The following PRKN variants were observed in gnomAD, a reference collection of about 807,000 sequenced individuals.
The protein encoded by PRKN is parkin RBR E3 ubiquitin protein ligase.
A neutral mutation model predicts 59.5 loss-of-function variants in PRKN; 56 were observed. The ratio of observed to expected loss-of-function variants is 0.94; its 90% CI spans 0.76 to 1.18. The LOEUF is 1.18. Ranked by LOEUF, PRKN falls within the 50% of genes most tolerant of loss-of-function variation. The pLI, the probability that PRKN is intolerant of heterozygous loss-of-function variation, is 0.00. For missense variants in PRKN, 657 were observed against 596.4 expected (o/e 1.10, Z -1.06); for synonymous variants, 250 against 222.1 (o/e 1.13, Z -1.12).
At chr6:161,932,679 TCTG>T (rs778046733) in intron 6 of PRKN, among the ~76,000 whole-genome samples, 1 of 152,264 alleles carries the variant, frequency 6.6e-6, no homozygotes, top group Non-Finnish European at 1.5e-5. Context: ...GTCTCTGACT[TCTG>T]CTAGTCAGCT....
rs1384493252 is a variant in PRKN at position 162,326,903 on chromosome 6, T to A, written c.172-64138A>T. Reference sequence around the variant, plus strand: ...AGAGGAGTTATGGTTTAAAATCATGTGACTACACAATTCCTACATTTTTTT... The same window carrying A: ...AGAGGAGTTATGGTTTAAAATCATGAGACTACACAATTCCTACATTTTTTT... On this transcript the variant is annotated intron_variant, in intron 2 of 11. Coordinates refer to ENST00000366898, the MANE Select transcript of PRKN (RefSeq NM_004562.3). 3.3e-5 allele frequency among the ~76,000 whole-genome samples: 5 copies of A among 152,202 alleles called. No homozygotes were observed. The East Asian group carries it at 9.6e-4, about 29-fold the overall frequency.
chr6:161,688,253 G>T (rs955928465), intron 7 of PRKN, among the ~76,000 whole-genome samples: 1 of 152,186 alleles, frequency 6.6e-6, no homozygotes, highest in Admixed American at 6.5e-5. Context: ...CACCCCCAGT[G>T]CCAGGACCAT....
At chr6:162,357,846 T>C (rs1415348818) in intron 2 of PRKN, among the ~76,000 whole-genome samples, 1 of 152,146 alleles carries the variant, frequency 6.6e-6, no homozygotes, top group Non-Finnish European at 1.5e-5. Context: ...TAAAAGATAT[T>C]TGGAAAAAGC....
intron 9 of PRKN, among the ~76,000 whole-genome samples, chr6:161,398,344 A>T (rs1786865420): frequency 6.6e-6 from 1 of 152,138 alleles, no homozygotes; most frequent in South Asian, 2.1e-4. Context: ...ACATCACAGC[A>T]CTGGCTCTAG....
intron 3 of PRKN, among the ~76,000 whole-genome samples, chr6:162,258,774 T>G (rs2128098877): frequency 6.6e-6 from 1 of 152,322 alleles, no homozygotes; most frequent in Admixed American, 6.5e-5. Flanking sequence ...CTGTAAAAAC[T>G]ACTTCAATGA....
intron 2 of PRKN, among the ~76,000 whole-genome samples, chr6:162,413,677 A>C (rs1788465506): frequency 6.6e-6 from 1 of 152,202 alleles, no homozygotes; most frequent in Non-Finnish European, 1.5e-5. Flanking sequence ...GATTTTATTC[A>C]ATTTAGGAAT....
chr6:162,300,598 G>A (rs917145356), intron 2 of PRKN, among the ~76,000 whole-genome samples: 1 of 151,906 alleles, frequency 6.6e-6, no homozygotes, highest in Non-Finnish European at 1.5e-5. Flanking sequence ...GAGGAGGCCT[G>A]GAACCAACCA....
At chr6:161,945,707 T>C (rs1031576748) in intron 6 of PRKN, among the ~76,000 whole-genome samples, 11 of 152,218 alleles carry the variant, frequency 7.2e-5, no homozygotes. Context: ...TAATGTTCTC[T>C]CTACCCCCTA....
Position 161,386,047 on chromosome 6 carries a change from G to C in PRKN, c.1167+747C>G, listed in dbSNP as rs189520963. Among the ~76,000 whole-genome samples, 1 of 152,120 alleles carries C rather than the reference G, an allele frequency of 6.6e-6. No homozygotes were observed. The highest frequency in any genetic ancestry group is 1.5e-5 in the Non-Finnish European group (1 of 67,996). ...TCTATTGTAAAATCAAAATATTCTG[G>C]GATTTCTATGTCTGTTTACTAGGTT... is the stretch of plus-strand genomic sequence containing the variant. On this transcript the variant is annotated intron_variant, in intron 10 of 11. Coordinates refer to ENST00000366898, the MANE Select transcript of PRKN (RefSeq NM_004562.3). The surrounding 1 kb of genome is among the most constrained non-coding windows in gnomAD (Gnocchi z 4.3).
chr6:161,400,678 T>C lies in PRKN; in HGVS notation c.1084-13801A>G, dbSNP rs1786991931. Among the ~76,000 whole-genome samples the C allele has an allele frequency of 6.6e-6, 1 of 151,972 alleles. No homozygotes were observed. Among genetic ancestry groups the C allele is most frequent in the South Asian group, 2.1e-4 (1 of 4,820 alleles). ...TTTTTTTTTCGAATAAAGGATGCTG[T>C]GTTTATTTTCAGCCTTTGGACGACC... On this transcript the variant is annotated intron_variant, in intron 9 of 11. Coordinates refer to ENST00000366898, the MANE Select transcript of PRKN (RefSeq NM_004562.3). This position sits in a 1 kb window ranked among gnomAD's most constrained non-coding sequence, Gnocchi z 4.2.
chr6:161,643,760 C>T (rs370461142), intron 7 of PRKN, among the ~76,000 whole-genome samples: 27 of 152,236 alleles, frequency 1.8e-4, no homozygotes, highest in Admixed American at 1.1e-3. Flanking sequence ...TAATCTCTCT[C>T]GACCCACTTT....
At chr6:162,634,486 C>T (rs1452725523) in intron 1 of PRKN, among the ~76,000 whole-genome samples, 5 of 152,154 alleles carry the variant, frequency 3.3e-5, no homozygotes, top group Non-Finnish European at 5.9e-5. Flanking sequence ...AGTAAGGATA[C>T]AGTCCCATAC....
intron 7 of PRKN, among the ~76,000 whole-genome samples, chr6:161,746,534 G>A (rs1788420082): frequency 6.8e-6 from 1 of 148,082 alleles, no homozygotes; most frequent in South Asian, 2.1e-4. Context: ...TAATAGTTGG[G>A]TAAGGTACAT....
chr6:162,010,637 TATATA>T (rs1328695438), intron 5 of PRKN, among the ~76,000 whole-genome samples: 3 of 4,980 alleles, frequency 6.0e-4, no homozygotes, highest in Non-Finnish European at 7.3e-4. Flanking sequence ...TATAATATAT[TATATA>T]ATATATTATA....
chr6:162,120,410 A>T (rs1056805289), intron 4 of PRKN, among the ~76,000 whole-genome samples: 5 of 152,218 alleles, frequency 3.3e-5, no homozygotes, highest in Non-Finnish European at 7.3e-5. Flanking sequence ...CATCACAGGT[A>T]GGTATTGCAA....
At chr6:162,169,248 T>C (rs754531178) in intron 4 of PRKN, among the ~76,000 whole-genome samples, 21 of 152,240 alleles carry the variant, frequency 1.4e-4, no homozygotes, top group Non-Finnish European at 2.6e-4. Context: ...AGCCCAGTTC[T>C]AACGTGTTTT....
intron 1 of PRKN, among the ~76,000 whole-genome samples, chr6:162,472,028 T>C (rs539867018): frequency 9.9e-5 from 15 of 152,280 alleles, no homozygotes; most frequent in East Asian, 1.9e-4. Context: ...TTCAGTCAGA[T>C]TGATTGATGC....
At chr6:162,011,333 T>G (rs1490630930) in intron 5 of PRKN, among the ~76,000 whole-genome samples, 1 of 33,360 alleles carries the variant, frequency 3.0e-5, no homozygotes, top group Non-Finnish European at 4.8e-5. Flanking sequence ...ATATATATAA[T>G]ATATTATATA....
chr6:162,227,921 C>G (rs1220371861), intron 3 of PRKN, among the ~76,000 whole-genome samples: 1 of 146,860 alleles, frequency 6.8e-6, no homozygotes, highest in African/African-American at 2.6e-5. Flanking sequence ...TTTTAAAAAC[C>G]AGTAGTTCCA....
Sources: gnomAD v4.1 joint callset for allele counts (sites outside exome capture counted in the v4.1 genomes callset) on GRCh38, gnomAD v4.1.1 for gene constraint, Gnocchi (gnomAD v3.1) non-coding constraint, MANE v1.5 for transcripts, NCBI Gene and HGNC (gene_info 2026-07-23, HGNC 2026-07-21) for gene names.